The following FOXP2 variants were observed in gnomAD, a reference collection of about 807,000 sequenced individuals.
FOXP2 encodes forkhead box protein P2.
Under a neutral mutation model 115.8 loss-of-function variants are expected in FOXP2, and 12 were observed. The observed-to-expected ratio is 0.10, with a 90% CI of 0.07 to 0.17. The LOEUF (loss-of-function observed/expected upper bound fraction) is 0.17. Ranked by LOEUF, FOXP2 falls within the 10% of genes least tolerant of loss-of-function variation. The pLI is 1.00. For missense variants in FOXP2, 629 were observed against 843.5 expected (o/e 0.75, Z 3.15); for synonymous variants, 328 against 297.7 (o/e 1.10, Z -1.05).
At chr7:114,510,079 A>G (rs2129260779) in intron 2 of FOXP2, among the ~76,000 whole-genome samples, 1 of 152,240 alleles carries the variant, frequency 6.6e-6, no homozygotes, top group African/African-American at 2.4e-5. Context: ...GAGCAAAGAG[A>G]AGCTCACAAT....
chr7:114,244,121 G>T (rs1340734133), intron 1 of FOXP2, among the ~76,000 whole-genome samples: 2 of 151,912 alleles, frequency 1.3e-5, no homozygotes, highest in African/African-American at 2.4e-5. Context: ...AACTCACCTG[G>T]TTAATTTTTT....
At chr7:114,634,770 A>T (rs1031426663) in intron 6 of FOXP2, among the ~76,000 whole-genome samples, 4 of 152,130 alleles carry the variant, frequency 2.6e-5, no homozygotes, top group African/African-American at 9.7e-5. Context: ...AATTTAGTGA[A>T]ACATTTTAAT....
intron 2 of FOXP2, among the ~76,000 whole-genome samples, chr7:114,484,430 A>G (rs1796685114): frequency 6.6e-6 from 1 of 151,848 alleles, no homozygotes; most frequent in Non-Finnish European, 1.5e-5. Flanking sequence ...CCAGTGGTCA[A>G]ATGGCCAGTA....
intron 1 of FOXP2, among the ~76,000 whole-genome samples, chr7:114,126,847 T>C (rs554454375): frequency 1.3e-5 from 2 of 152,310 alleles, no homozygotes; most frequent in African/African-American, 4.8e-5. Flanking sequence ...CCCAATTCTC[T>C]CTCTCTGATT....
chr7:114,550,982 C>CT (rs11440221), intron 3 of FOXP2, among the ~76,000 whole-genome samples: 26,097 of 151,952 alleles, frequency 0.17, 2,687 homozygotes, highest in African/African-American at 0.29. Context: ...GCTAATAAAT[C>CT]TTTTTTTCTA....
At chr7:114,494,777 T>C (rs1797234158) in intron 2 of FOXP2, among the ~76,000 whole-genome samples, 1 of 152,148 alleles carries the variant, frequency 6.6e-6, no homozygotes, top group Admixed American at 6.6e-5. Context: ...CCACTGAAAT[T>C]TATATGAAAA....
At chr7:114,191,076 G>C (rs1473859614) in intron 1 of FOXP2, among the ~76,000 whole-genome samples, 3 of 152,096 alleles carry the variant, frequency 2.0e-5, no homozygotes, top group Non-Finnish European at 4.4e-5. Flanking sequence ...TTGAGGTCTG[G>C]TTGATCAGGT....
At chr7:114,119,247 T>C (rs748426838) in intron 1 of FOXP2, among the ~76,000 whole-genome samples, 4 of 152,146 alleles carry the variant, frequency 2.6e-5, no homozygotes, top group Non-Finnish European at 4.4e-5. Flanking sequence ...AAATACTTGC[T>C]GTATTGAAGA....
chr7:114,422,029 T>C lies in FOXP2; in HGVS notation c.-10-4473T>C, dbSNP rs187390804. Among the ~76,000 whole-genome samples the C allele has an allele frequency of 3.1e-4, 47 of 151,916 alleles. No individual in the cohort carries two copies. The East Asian group carries it at 8.0e-3, about 26-fold the overall frequency. On this transcript the variant is annotated intron_variant, in intron 1 of 16. Coordinates refer to ENST00000350908, the MANE Select transcript of FOXP2 (RefSeq NM_014491.4). ...TAAGTTTTCTTAATATTTAACTCTT[T>C]CTTGTGTGAATCTGCATAGAAATAT...
chr7:114,506,463 T>A (rs900193257), intron 2 of FOXP2, among the ~76,000 whole-genome samples: 1 of 151,606 alleles, frequency 6.6e-6, no homozygotes, highest in African/African-American at 2.4e-5. Context: ...ATATTAGTAC[T>A]ACCAAAATGT....
intron 1 of FOXP2, among the ~76,000 whole-genome samples, chr7:114,193,108 A>G (rs1793807201): frequency 6.6e-6 from 1 of 152,142 alleles, no homozygotes; most frequent in South Asian, 2.1e-4. Context: ...TTGAAATGAA[A>G]TACAGAGATA....
intron 2 of FOXP2, among the ~76,000 whole-genome samples, chr7:114,343,811 C>T (rs1791270905): frequency 6.6e-6 from 1 of 151,624 alleles, no homozygotes. Flanking sequence ...CTTAAAAATA[C>T]AGTAGCCATT....
intron 1 of FOXP2, among the ~76,000 whole-genome samples, chr7:114,140,534 T>C (rs995542867): frequency 2.0e-5 from 3 of 152,202 alleles, no homozygotes; most frequent in African/African-American, 7.2e-5. Flanking sequence ...TTTATTGAAA[T>C]TCTGTAATTT....
At chr7:114,161,745 G>T (rs868094838), upstream of FOXP2, among the ~76,000 whole-genome samples, 3 of 151,998 alleles carry the variant, frequency 2.0e-5, no homozygotes, top group African/African-American at 7.2e-5. Context: ...ATAAGGCAAG[G>T]GGATGTGATC....
intron 2 of FOXP2, among the ~76,000 whole-genome samples, chr7:114,436,111 A>G (rs1794334193): frequency 6.6e-6 from 1 of 152,170 alleles, no homozygotes; most frequent in South Asian, 2.1e-4. Flanking sequence ...CTTGAGTTCA[A>G]TACTAATTAT....
chr7:114,552,438 C>T (rs1248441384), intron 3 of FOXP2, among the ~76,000 whole-genome samples: 1 of 152,078 alleles, frequency 6.6e-6, no homozygotes, highest in Admixed American at 6.6e-5. Context: ...TATCTCAATG[C>T]TTTATTATAG....
At chr7:114,191,925 G>A (rs1793770411) in intron 1 of FOXP2, among the ~76,000 whole-genome samples, 1 of 151,984 alleles carries the variant, frequency 6.6e-6, no homozygotes, top group African/African-American at 2.4e-5. Context: ...TCTCCTCCTT[G>A]AGCCCCTGAC....
chr7:114,615,782 C>T (rs1481509079), intron 3 of FOXP2, among the ~76,000 whole-genome samples: 1 of 152,184 alleles, frequency 6.6e-6, no homozygotes, highest in Non-Finnish European at 1.5e-5. Flanking sequence ...TTCATCTCCA[C>T]CTAATTCCCC....
intron 3 of FOXP2, among the ~76,000 whole-genome samples, chr7:114,621,219 T>C (rs1275760496): frequency 6.6e-6 from 1 of 152,082 alleles, no homozygotes; most frequent in African/African-American, 2.4e-5. Flanking sequence ...TTTTAATTTA[T>C]GTTAGAAATA....
Sources: allele counts gnomAD v4.1 joint callset (sites outside exome capture counted in the v4.1 genomes callset), GRCh38; gene constraint gnomAD v4.1.1; transcripts MANE v1.5; gene names NCBI Gene and HGNC (gene_info 2026-07-23, HGNC 2026-07-21).